RBFOX1: variants seen among roughly 807,000 people sequenced by gnomAD.
RBFOX1 encodes RNA binding protein fox-1 homolog 1.
A neutral mutation model predicts 57.7 loss-of-function variants in RBFOX1; 8 were observed. That is an observed-to-expected ratio of 0.14 (90% CI 0.08 to 0.25). RBFOX1 has a LOEUF of 0.25. RBFOX1 is among the 10% of genes least tolerant of loss of function. The pLI, the probability that RBFOX1 is intolerant of heterozygous loss-of-function variation, is 1.00. For synonymous variants in RBFOX1, 326 were observed against 222.4 expected, an observed-to-expected ratio of 1.47 and a Z score of -4.15; for missense variants, 611 against 548.5, an observed-to-expected ratio of 1.11 and a Z score of -1.14.
At chr16:5,480,887 A>G (rs1161162573) in intron 2 of RBFOX1, among the ~76,000 whole-genome samples, 2 of 152,192 alleles carry the variant, frequency 1.3e-5, no homozygotes, top group Non-Finnish European at 2.9e-5. Flanking sequence ...GCAATATTTC[A>G]CTGAAACGTT....
intron 3 of RBFOX1, among the ~76,000 whole-genome samples, chr16:6,912,245 A>C (rs1441671918): frequency 2.0e-5 from 3 of 152,220 alleles, no homozygotes; most frequent in Non-Finnish European, 4.4e-5. Flanking sequence ...AGGGTACGTC[A>C]GAAGCACCTG....
At chr16:5,825,610 A>G (rs983392673) in intron 3 of RBFOX1, among the ~76,000 whole-genome samples, 2 of 152,200 alleles carry the variant, frequency 1.3e-5, no homozygotes, top group African/African-American at 4.8e-5. Flanking sequence ...TAAAGTGTAC[A>G]ATGTAAGGAC....
At chr16:5,983,132 A>G (rs967169681) in intron 4 of RBFOX1, among the ~76,000 whole-genome samples, 6 of 152,106 alleles carry the variant, frequency 3.9e-5, no homozygotes, top group Non-Finnish European at 5.9e-5. Flanking sequence ...AACTCCCTGC[A>G]TTCTCCCAGC....
chr16:6,551,755 T>G (rs1168947955), intron 2 of RBFOX1, among the ~76,000 whole-genome samples: 1 of 152,178 alleles, frequency 6.6e-6, no homozygotes, highest in Non-Finnish European at 1.5e-5. Flanking sequence ...GCAGCAGTTG[T>G]GGACAGCTGA....
At chr16:6,855,570 G>C (rs1249401091) in intron 3 of RBFOX1, among the ~76,000 whole-genome samples, 1 of 150,594 alleles carries the variant, frequency 6.6e-6, no homozygotes, top group Non-Finnish European at 1.5e-5. Context: ...GGAGAATGGC[G>C]TGAACCCGAG....
intron 4 of RBFOX1, among the ~76,000 whole-genome samples, chr16:5,971,836 T>G (rs2059967201): frequency 6.6e-6 from 1 of 152,124 alleles, no homozygotes; most frequent in Non-Finnish European, 1.5e-5. Flanking sequence ...TCTATGAGGG[T>G]GTTTTGGATG....
intron 3 of RBFOX1, among the ~76,000 whole-genome samples, chr16:6,743,682 G>T (rs1480112673): frequency 6.6e-6 from 1 of 151,812 alleles, no homozygotes; most frequent in Non-Finnish European, 1.5e-5. Flanking sequence ...GGCTGAGGCT[G>T]CACTGGGCTG....
intron 3 of RBFOX1, among the ~76,000 whole-genome samples, chr16:5,807,484 G>A (rs2055268617): frequency 1.3e-5 from 2 of 152,146 alleles, no homozygotes; most frequent in African/African-American, 4.8e-5. Context: ...ATTAAAATGG[G>A]TCATTACTGA....
At chr16:5,784,900 G>C (rs2054448621) in intron 3 of RBFOX1, among the ~76,000 whole-genome samples, 1 of 152,178 alleles carries the variant, frequency 6.6e-6, no homozygotes, top group African/African-American at 2.4e-5. Context: ...TCCAGCCTCA[G>C]AGCTTTGAGC....
At chr16:7,217,966 G>T (rs1434508974) in intron 4 of RBFOX1, among the ~76,000 whole-genome samples, 2 of 151,838 alleles carry the variant, frequency 1.3e-5, no homozygotes, top group Non-Finnish European at 2.9e-5. Context: ...ATGTGTACCT[G>T]TGTCTGCGTG....
At chr16:6,260,680 C>G (rs577734492) in intron 1 of RBFOX1, among the ~76,000 whole-genome samples, 3 of 152,192 alleles carry the variant, frequency 2.0e-5, no homozygotes, top group South Asian at 4.1e-4. Flanking sequence ...GAGTTTGAGG[C>G]CAGCCTGGCC....
intron 2 of RBFOX1, among the ~76,000 whole-genome samples, chr16:6,647,634 G>C (rs558446053): frequency 6.6e-6 from 1 of 152,298 alleles, no homozygotes; most frequent in South Asian, 2.1e-4. Context: ...GAGGGTTAGA[G>C]CTATGACATA....
intron 3 of RBFOX1, among the ~76,000 whole-genome samples, chr16:6,781,769 T>C (rs570132020): frequency 2.8e-4 from 43 of 152,274 alleles, no homozygotes; most frequent in Middle Eastern, 3.4e-3. Flanking sequence ...TGTTTTAATA[T>C]TTTCTTAGCT....
At chr16:6,068,939 A>C (rs909535351) in intron 1 of RBFOX1, among the ~76,000 whole-genome samples, 3 of 152,110 alleles carry the variant, frequency 2.0e-5, no homozygotes, top group Non-Finnish European at 4.4e-5. Context: ...CGGGAACAGG[A>C]GGGCAAGACA....
At chr16:7,689,172 AG>A (rs1473377762) in intron 14 of RBFOX1, among the ~76,000 whole-genome samples, 1 of 152,178 alleles carries the variant, frequency 6.6e-6, no homozygotes, top group African/African-American at 2.4e-5. Context: ...CATCAGTGTT[AG>A]ATAGTAGCCG....
intron 3 of RBFOX1, among the ~76,000 whole-genome samples, chr16:6,925,665 G>A (rs2075442900): frequency 6.6e-6 from 1 of 151,898 alleles, no homozygotes; most frequent in Non-Finnish European, 1.5e-5. Flanking sequence ...GGTAGGGCCT[G>A]GAATGCGTTA....
At chr16:7,195,675 C>T (rs945518269) in intron 4 of RBFOX1, among the ~76,000 whole-genome samples, 8 of 152,128 alleles carry the variant, frequency 5.3e-5, no homozygotes, top group Non-Finnish European at 5.9e-5. Flanking sequence ...GCCTCAGCCT[C>T]CCGAGTAGCT....
intron 4 of RBFOX1, among the ~76,000 whole-genome samples, chr16:7,151,824 C>T (rs2076167619): frequency 6.6e-6 from 1 of 152,084 alleles, no homozygotes; most frequent in African/African-American, 2.4e-5. Flanking sequence ...CACATGCAAC[C>T]TAGCTCCTTC....
chr16:6,722,489 T>C (rs771360256), intron 3 of RBFOX1, among the ~76,000 whole-genome samples: 11 of 147,044 alleles, frequency 7.5e-5, no homozygotes, highest in Non-Finnish European at 1.3e-4. Flanking sequence ...ATTCCATTGA[T>C]GGAATATTTA....
Sources: allele counts gnomAD v4.1 joint callset (sites outside exome capture counted in the v4.1 genomes callset), GRCh38; gene constraint gnomAD v4.1.1; transcripts MANE v1.5; gene names NCBI Gene and HGNC (gene_info 2026-07-23, HGNC 2026-07-21).